Variants in JAK2 observed in about 807,000 individuals in gnomAD.
JAK2 encodes Janus kinase 2.
JAK2 carries 86 observed loss-of-function variants against 139.3 expected under a neutral mutation model. The ratio of observed to expected loss-of-function variants is 0.62; its 90% CI spans 0.52 to 0.74. JAK2 has a LOEUF of 0.74. Among genes scored for constraint, JAK2 ranks in the 30% least tolerant of loss-of-function variants. The pLI is 0.00. For synonymous variants in JAK2, 490 were observed against 437.7 expected (o/e 1.12, Z -1.49); for missense variants, 1,421 against 1,360.3 (o/e 1.04, Z -0.70).
At position 5,128,748 on chromosome 9, in the gene JAK2, C is replaced by T. The variant is rs538012537; in HGVS notation, c.*1957C>T. 3.3e-5 allele frequency among the ~76,000 whole-genome samples: 5 copies of T among 151,926 alleles called. No individual in the cohort carries two copies. The highest frequency in any genetic ancestry group is 4.2e-4 in the South Asian group (2 of 4,810). ...TTCATTGAGGCTTCGTAAAGTTTTC[C>T]ATTTTGATTCTGACTACACATAAAA... On this transcript the variant is annotated 3_prime_UTR_variant, in exon 25 of 25. Coordinates refer to ENST00000381652, the MANE Select transcript of JAK2 (RefSeq NM_004972.4).
At chr9:5,082,740 C>T (rs950901756) in intron 19 of JAK2, among the ~76,000 whole-genome samples, 2 of 152,244 alleles carry the variant, frequency 1.3e-5, no homozygotes, top group Admixed American at 6.5e-5. Flanking sequence ...TTTATTGAGA[C>T]TGGAGAATGG....
Position 4,985,649 on chromosome 9 carries a change from T to C in JAK2, c.-109+19T>C, listed in dbSNP as rs981661386. Reference sequence around the variant, plus strand: ...GTAGCCGGTGGGTGTTATCTCTGCCTGGCTTCTGGGTGGGGGGCAGCAGCT... The same window carrying C: ...GTAGCCGGTGGGTGTTATCTCTGCCCGGCTTCTGGGTGGGGGGCAGCAGCT... On this transcript the variant is annotated intron_variant, in intron 1 of 24. Transcript: ENST00000381652. 2.6e-5 allele frequency: 4 copies of C among 152,358 alleles called. No homozygotes were observed. The highest frequency in any genetic ancestry group is 5.9e-5 in the Non-Finnish European group (4 of 68,168). The allele number at this position is 152,358 out of a possible 1,614,324, so 9.4% of individuals were successfully genotyped here.
chr9:5,034,378 G>T (rs1404806446), intron 4 of JAK2, among the ~76,000 whole-genome samples: 1 of 152,122 alleles, frequency 6.6e-6, no homozygotes, highest in African/African-American at 2.4e-5. Context: ...ATTCAGCTCT[G>T]GACCAAGCAG....
chr9:5,050,567 G>T, intron 5 of JAK2, 119 bp from the exon 6 acceptor site: 1 of 1,044,330 alleles, frequency 9.6e-7, no homozygotes, highest in Non-Finnish European at 1.4e-6. Context: ...CACTGAGCCT[G>T]GCCAATTTGT....
At chr9:4,997,927 T>A (rs1282045943) in intron 2 of JAK2, among the ~76,000 whole-genome samples, 1 of 152,156 alleles carries the variant, frequency 6.6e-6, no homozygotes, top group East Asian at 1.9e-4. Context: ...AATTTTTTTT[T>A]AATCTGAATG....
At chr9:5,107,724 C>A (rs908223013) in intron 22 of JAK2, among the ~76,000 whole-genome samples, 1 of 152,088 alleles carries the variant, frequency 6.6e-6, no homozygotes, top group Admixed American at 6.5e-5. Context: ...AATATCATCC[C>A]TATGTGCCTA....
rs148912563 is a variant in JAK2 at position 5,125,350 on chromosome 9, T to C, written c.3178-983T>C. On this transcript the variant is annotated intron_variant, in intron 23 of 24. Coordinates refer to ENST00000381652, the MANE Select transcript of JAK2 (RefSeq NM_004972.4). ...ATTACAGCATGGGTAATTTACTGTA[T>C]TAGAAAAATGTACTGCAAATATGTT... Among the ~76,000 whole-genome samples the C allele has an allele frequency of 5.7e-3, 869 of 151,480 alleles. 9 individuals carry two copies. The highest frequency in any genetic ancestry group is 0.02 in the African/African-American group (831 of 41,504).
At chr9:5,058,976 A>G (rs62541557) in intron 8 of JAK2, among the ~76,000 whole-genome samples, 3,099 of 152,244 alleles carry the variant, frequency 0.02, 54 homozygotes, top group South Asian at 0.068. Context: ...CCCATTCCAT[A>G]GATTGCTTTT....
chr9:4,994,132 G>C (rs1400462750), intron 2 of JAK2, among the ~76,000 whole-genome samples: 1 of 152,146 alleles, frequency 6.6e-6, no homozygotes, highest in African/African-American at 2.4e-5. Flanking sequence ...ATTTATTTCA[G>C]TGTTTAATAA....
intron 19 of JAK2, chr9:5,086,223 T>C: frequency 1.6e-6 from 1 of 606,760 alleles, no homozygotes; most frequent in South Asian, 5.1e-5. Flanking sequence ...GAGGCCACGG[T>C]CGGAGTCTGA....
At chr9:5,104,290 A>G (rs1238227793) in intron 22 of JAK2, among the ~76,000 whole-genome samples, 1 of 152,244 alleles carries the variant, frequency 6.6e-6, no homozygotes, top group Non-Finnish European at 1.5e-5. Context: ...TAACACCTCT[A>G]CACAAATAAA....
intron 2 of JAK2, among the ~76,000 whole-genome samples, chr9:5,007,178 C>T (rs1199630694): frequency 6.6e-6 from 1 of 151,948 alleles, no homozygotes; most frequent in Non-Finnish European, 1.5e-5. Flanking sequence ...GTTGCAACTT[C>T]TTGAAATGAA....
chr9:5,075,755 G>A (rs1819267300), intron 14 of JAK2, among the ~76,000 whole-genome samples: 1 of 152,194 alleles, frequency 6.6e-6, no homozygotes, highest in African/African-American at 2.4e-5. Context: ...GGATCAAGGA[G>A]TTATTTCAAC....
chr9:5,071,245 A>G lies in JAK2; in HGVS notation c.1641+1193A>G, dbSNP rs78871231. ...CCTAGGCAACCCATAATTCCCACAG[A>G]TAAAAGCATTGCAAACACAAGCTTT... On this transcript the variant is annotated intron_variant, in intron 12 of 24. Coordinates refer to ENST00000381652, the MANE Select transcript of JAK2 (RefSeq NM_004972.4). Among the ~76,000 whole-genome samples, 456 of 152,322 alleles carry G rather than the reference A, an allele frequency of 3.0e-3. 1 individual carries two copies. The highest frequency in any genetic ancestry group is 0.011 in the African/African-American group (438 of 41,582).
chr9:5,057,992 A>G (rs1162360760), intron 8 of JAK2, among the ~76,000 whole-genome samples: 1 of 152,194 alleles, frequency 6.6e-6, no homozygotes, highest in East Asian at 1.9e-4. Context: ...AATATACTCA[A>G]GGTTCATTTG....
At chr9:5,002,444 T>G (rs947279800) in intron 2 of JAK2, among the ~76,000 whole-genome samples, 3 of 151,992 alleles carry the variant, frequency 2.0e-5, no homozygotes, top group Non-Finnish European at 2.9e-5. Context: ...ATTTTCTAGA[T>G]AGTTTTTTGA....
chr9:5,059,756 C>G (rs765280009), intron 8 of JAK2, among the ~76,000 whole-genome samples: 58 of 152,098 alleles, frequency 3.8e-4, no homozygotes, highest in Non-Finnish European at 7.4e-4. Flanking sequence ...TGGATGTGTA[C>G]TGGTAGCTAT....
intron 22 of JAK2, chr9:5,109,997 C>G (rs913495089): frequency 6.6e-6 from 1 of 152,174 alleles, no homozygotes; most frequent in Admixed American, 6.5e-5. Context: ...ATCGCATCGG[C>G]GACATTGGTT....
At chr9:5,092,695 GA>G (rs1458857566) in intron 22 of JAK2, among the ~76,000 whole-genome samples, 22 of 152,122 alleles carry the variant, frequency 1.4e-4, no homozygotes, top group Non-Finnish European at 2.6e-4. Context: ...CAAGTCCCCC[GA>G]AACCAAATGA....
Sources: allele counts gnomAD v4.1 joint callset (sites outside exome capture counted in the v4.1 genomes callset), GRCh38; gene constraint gnomAD v4.1.1; transcripts MANE v1.5; gene names NCBI Gene and HGNC (gene_info 2026-07-23, HGNC 2026-07-21).